The following PTPN3 variants were observed in gnomAD, a reference collection of about 807,000 sequenced individuals.
The protein encoded by PTPN3 is tyrosine-protein phosphatase non-receptor type 3.
PTPN3 carries 96 observed loss-of-function variants against 132.7 expected under a neutral mutation model. That is an observed-to-expected ratio of 0.72 (90% CI 0.61 to 0.86). The LOEUF (loss-of-function observed/expected upper bound fraction) is 0.86, where lower values mean the gene tolerates loss of function less well. PTPN3 is among the 40% of genes least tolerant of loss of function. The pLI, the probability that PTPN3 is intolerant of heterozygous loss-of-function variation, is 0.00. For missense variants in PTPN3, 1,125 were observed against 1,159.6 expected (o/e 0.97, Z 0.43); for synonymous variants, 398 against 429.0 (o/e 0.93, Z 0.89).
rs1839793429 is a variant in PTPN3, at chr9:109,388,554, G to T, written c.2253+679C>A. ...AAAAAGAGGGGCTGTCAGCAGCACG[G>T]AGCTGGCGGACAGCAGCCATAGGAG... On this transcript the variant is annotated intron_variant, in intron 22 of 25. Coordinates refer to ENST00000374541, the MANE Select transcript of PTPN3 (RefSeq NM_002829.4). Among the ~76,000 whole-genome samples the T allele has an allele frequency of 2.0e-5, 3 of 152,186 alleles. 1 individual carries two copies.
intron 1 of PTPN3, among the ~76,000 whole-genome samples, chr9:109,467,184 T>C (rs925962835): frequency 6.6e-6 from 1 of 152,176 alleles, no homozygotes; most frequent in Non-Finnish European, 1.5e-5. Context: ...ACAACAAATG[T>C]GTTCCATAAT....
chr9:109,457,472 A>G, intron 2 of PTPN3, 73 bp from the exon 3 acceptor site: 1 of 1,182,096 alleles, frequency 8.5e-7, no homozygotes. Flanking sequence ...TACTGTAGGC[A>G]AAAAAGAGTT....
At chr9:109,500,930 AT>A (rs761512955), upstream of PTPN3, among the ~76,000 whole-genome samples, 947 of 147,398 alleles carry the variant, frequency 6.4e-3, 20 homozygotes, top group African/African-American at 0.017. Context: ...TCTGTCTCAA[AT>A]AAAAAAAAAA....
At chr9:109,462,629 T>G (rs1219164277) in intron 2 of PTPN3, among the ~76,000 whole-genome samples, 2 of 151,900 alleles carry the variant, frequency 1.3e-5, no homozygotes, top group Non-Finnish European at 2.9e-5. Flanking sequence ...GTGGGCACCA[T>G]AGGCAGCCAT....
chr9:109,440,687 GAGA>G (rs1844399872), intron 7 of PTPN3, among the ~76,000 whole-genome samples: 2 of 152,182 alleles, frequency 1.3e-5, no homozygotes, highest in Non-Finnish European at 2.9e-5. Context: ...TTAGCTCATG[GAGA>G]TCCTCCTGGA....
intron 7 of PTPN3, 131 bp downstream of exon 7, chr9:109,445,109 A>T (rs1844760494): frequency 4.8e-6 from 4 of 841,054 alleles, no homozygotes; most frequent in Non-Finnish European, 7.8e-6. Flanking sequence ...ATATCTGGAC[A>T]GCCAGAGATA....
intron 24 of PTPN3, 27 bp from the exon 25 acceptor site, chr9:109,381,814 G>C (rs1839120023): frequency 6.2e-7 from 1 of 1,613,776 alleles, no homozygotes; most frequent in South Asian, 1.1e-5. Flanking sequence ...AGACAGACTT[G>C]GGATTTGTCT....
rs1845623707 is a variant in PTPN3 at position 109,457,478 on chromosome 9, G to C, written c.139-79C>G. 5 of 1,138,868 alleles carry C rather than the reference G, an allele frequency of 4.4e-6. No individual in the cohort carries two copies. The South Asian group carries it at 7.0e-5, about 16-fold the overall frequency. The allele number at this position is 1,138,868 out of a possible 1,614,324, so 70.5% of individuals were successfully genotyped here. On this transcript the variant is annotated intron_variant, in intron 2 of 25. Coordinates refer to ENST00000374541, the MANE Select transcript of PTPN3 (RefSeq NM_002829.4). ...AAACATCTTTACTGTAGGCAAAAAA[G>C]AGTTAAAATATTCAGAAATGCTATG...
At chr9:109,435,334 G>A (rs1395536898) in intron 9 of PTPN3, among the ~76,000 whole-genome samples, 1 of 152,214 alleles carries the variant, frequency 6.6e-6, no homozygotes, top group Non-Finnish European at 1.5e-5. Flanking sequence ...GCTCTGAGCA[G>A]GAGGAATGTA....
chr9:109,471,907 G>A (rs1356202748), intron 1 of PTPN3, among the ~76,000 whole-genome samples: 1 of 151,470 alleles, frequency 6.6e-6, no homozygotes, highest in East Asian at 1.9e-4. Flanking sequence ...AATCTTCAGA[G>A]TTCCTTTTGG....
the PTPN3 span, chr9:109,533,624 C>A: frequency 6.6e-7 from 1 of 1,509,720 alleles, no homozygotes. Context: ...CTGATATATA[C>A]TCTGCCACAC....
chr9:109,450,376 G>C, intron 5 of PTPN3: 2 of 984,896 alleles, frequency 2.0e-6, no homozygotes, highest in Non-Finnish European at 2.4e-6. Flanking sequence ...GCTACTGAGA[G>C]AAAAAAAGAG....
At chr9:109,521,379 C>T in the PTPN3 span, among the ~76,000 whole-genome samples, 5 of 152,112 alleles carry the variant, frequency 3.3e-5, no homozygotes, top group Non-Finnish European at 5.9e-5. Flanking sequence ...AGGCTGGTTT[C>T]GAACTCCCGA....
chr9:109,383,127 G>T (rs1024895968), intron 23 of PTPN3, among the ~76,000 whole-genome samples: 1 of 152,290 alleles, frequency 6.6e-6, no homozygotes, highest in Non-Finnish European at 1.5e-5. Context: ...GTTGTAGCAG[G>T]GGTCAGAATC....
intron 1 of PTPN3, among the ~76,000 whole-genome samples, chr9:109,480,470 C>T (rs1380859727): frequency 6.6e-6 from 1 of 152,184 alleles, no homozygotes; most frequent in African/African-American, 2.4e-5. Context: ...GGCCTATTCT[C>T]TCATTCCATA....
At chr9:109,467,745 G>C (rs928986321) in intron 1 of PTPN3, among the ~76,000 whole-genome samples, 11 of 152,178 alleles carry the variant, frequency 7.2e-5, no homozygotes, top group African/African-American at 2.4e-4. Context: ...GCTCCTGCTC[G>C]TGCTGGCGTG....
chr9:109,458,400 C>T (rs142281709), intron 2 of PTPN3, among the ~76,000 whole-genome samples: 250 of 152,322 alleles, frequency 1.6e-3, no homozygotes, highest in African/African-American at 5.7e-3. Flanking sequence ...CTTTAACAGG[C>T]AGACTTTGCA....
Position 109,451,243 on chromosome 9 carries a change from T to C in PTPN3, c.369-2388A>G, listed in dbSNP as rs1188041082. 4 of 984,470 alleles carry C rather than the reference T, an allele frequency of 4.1e-6. No homozygotes were observed. The Admixed American group carries it at 2.5e-4, about 61-fold the overall frequency. The allele number at this position is 984,470 out of a possible 1,614,324, so 61.0% of individuals were successfully genotyped here. ...GTTTCAAAAAATATATATATATATC[T>C]GGCAGTCCTGGTGGCCCACCAGCTC... On this transcript the variant is annotated intron_variant, in intron 5 of 25. Transcript: ENST00000374541.
chr9:109,497,635 C>T (rs1847730963), intron 1 of PTPN3, among the ~76,000 whole-genome samples: 2 of 152,224 alleles, frequency 1.3e-5, no homozygotes, highest in Admixed American at 1.3e-4. Context: ...ATACACTCCC[C>T]CATCTGCAGC....
Sources: allele counts gnomAD v4.1 joint callset (sites outside exome capture counted in the v4.1 genomes callset), GRCh38; gene constraint gnomAD v4.1.1; transcripts MANE v1.5; gene names NCBI Gene and HGNC (gene_info 2026-07-23, HGNC 2026-07-21).